Variants in CRKL observed in about 807,000 individuals in gnomAD.
CRKL encodes the protein crk-like protein.
Under a neutral mutation model 23.0 loss-of-function variants are expected in CRKL, and 3 were observed. The observed-to-expected ratio is 0.13, with a 90% confidence interval of 0.06 to 0.34. The LOEUF (loss-of-function observed/expected upper bound fraction) is 0.34. Ranked by LOEUF, CRKL falls within the 10% of genes least tolerant of loss-of-function variation. The pLI is 1.00. For missense variants in CRKL, 256 were observed against 394.5 expected, an observed-to-expected ratio of 0.65 and a Z score of 2.97; for synonymous variants, 188 against 160.7, an observed-to-expected ratio of 1.17 and a Z score of -1.28.
In CRKL at chr22:20,951,105, G is replaced by C. The variant is rs138343678; in HGVS notation, c.*1260G>C. ...AGTGAATGTACCCCTTTAAGGTTCA[G>C]ACTTAAACTTCCTTAAAAAGTGGCG... is the stretch of plus-strand genomic sequence containing the variant. On this transcript the variant is annotated 3_prime_UTR_variant, in exon 3 of 3. Transcript: ENST00000354336. 8.7e-4 allele frequency: 203 copies of C among 232,472 alleles called. 1 individual carries two copies. Among genetic ancestry groups the C allele is most frequent in the African/African-American group, 3.7e-3 (167 of 45,420 alleles). 14.4% of individuals were successfully genotyped at this position (232,472 alleles called of 1,614,324 possible). A position where few individuals can be genotyped will look rare whatever the true frequency, so the allele number is the denominator to read the frequency against.
intron 1 of CRKL, among the ~76,000 whole-genome samples, chr22:20,931,625 C>T (rs1042912134): frequency 2.0e-5 from 3 of 152,058 alleles, no homozygotes; most frequent in African/African-American, 7.2e-5. Context: ...GAGTGCAAGT[C>T]TAACCTCTTC....
intron 1 of CRKL, among the ~76,000 whole-genome samples, chr22:20,925,476 C>G (rs745330605): frequency 5.9e-5 from 9 of 152,220 alleles, no homozygotes; most frequent in Non-Finnish European, 1.3e-4. Flanking sequence ...GCCAGCGCCA[C>G]TGCACTCCAG....
intron 1 of CRKL, among the ~76,000 whole-genome samples, chr22:20,926,100 G>A (rs539695698): frequency 6.2e-4 from 94 of 152,304 alleles, no homozygotes; most frequent in African/African-American, 2.2e-3. Flanking sequence ...AGTATACGAG[G>A]TAGAAGAGGT....
intron 1 of CRKL, among the ~76,000 whole-genome samples, chr22:20,928,421 C>T (rs533227251): frequency 1.3e-5 from 2 of 151,834 alleles, no homozygotes; most frequent in East Asian, 3.9e-4. Flanking sequence ...CGTACTGCTG[C>T]ACTCCAGCCT....
intron 1 of CRKL, among the ~76,000 whole-genome samples, chr22:20,931,783 TGCTA>T (rs963102678): frequency 1.3e-5 from 2 of 152,166 alleles, no homozygotes; most frequent in Non-Finnish European, 2.9e-5. Flanking sequence ...CTACTACTCT[TGCTA>T]GCTATTTATT....
At position 20,917,962 on chromosome 22, in the gene CRKL, G is replaced by C. The variant is rs2147891289; in HGVS notation, c.28G>C (p.Asp10His). The C allele has an allele frequency of 1.2e-6, 2 of 1,614,042 alleles. No homozygotes were observed. Among genetic ancestry groups the C allele is most frequent in the Non-Finnish European group, 1.7e-6 (2 of 1,180,018 alleles). Residue 10 changes from aspartate (D) to histidine (H), a missense_variant, in exon 1 of 3, where the codon GAC (aspartate) becomes CAC (histidine). By Grantham distance (81) the Asp-to-His change is moderately conservative. Transcript: ENST00000354336. The part of the protein sequence containing the change: MSSARFDSS[D>H]RSAWYMGPVS... Reference sequence around the variant, plus strand: ...GTCCTCCGCCAGGTTCGACTCCTCGGACCGCTCCGCCTGGTATATGGGGCC... The same window carrying C: ...GTCCTCCGCCAGGTTCGACTCCTCGCACCGCTCCGCCTGGTATATGGGGCC...
At chr22:20,926,563 G>A (rs1921210306) in intron 1 of CRKL, among the ~76,000 whole-genome samples, 1 of 152,130 alleles carries the variant, frequency 6.6e-6, no homozygotes, top group Admixed American at 6.6e-5. Context: ...CCTGCTGGAA[G>A]CCAGGTGGTA....
intron 1 of CRKL, among the ~76,000 whole-genome samples, chr22:20,923,575 C>CTACT (rs1303646911): frequency 9.1e-6 from 1 of 109,762 alleles, no homozygotes; most frequent in African/African-American, 3.7e-5. Context: ...CCGCGCCTGG[C>CTACT]ATTTTTTTTT....
At position 20,950,565 on chromosome 22, in the gene CRKL, A is replaced by G. The variant is rs1052789936; in HGVS notation, c.*720A>G. The G allele has an allele frequency of 4.5e-6, 1 of 221,894 alleles. No individual in the cohort carries two copies. Among genetic ancestry groups the G allele is most frequent in the Non-Finnish European group, 9.0e-6 (1 of 111,190 alleles). 13.7% of individuals were successfully genotyped at this position (221,894 alleles called of 1,614,324 possible). A position where few individuals can be genotyped will look rare whatever the true frequency, so the allele number is the denominator to read the frequency against. ...AGTAGCTGGGACTGCAGGCGCGCACACCACGCCCAGCTAATTTTTGTATTT... is the reference window on the plus strand; with the variant it reads ...AGTAGCTGGGACTGCAGGCGCGCACGCCACGCCCAGCTAATTTTTGTATTT... On this transcript the variant is annotated 3_prime_UTR_variant, in exon 3 of 3. Transcript: ENST00000354336.
chr22:20,941,538 ATGTGTGTGTGTGTGTGTGTGTGTG>A (rs1187984983), intron 2 of CRKL, among the ~76,000 whole-genome samples: 4 of 50,436 alleles, frequency 7.9e-5, no homozygotes, highest in African/African-American at 2.2e-4. Flanking sequence ...TATATATTTT[ATGTGTGTGTGTGTGTGTGTGTGTG>A]TGTGTGTGTG....
chr22:20,927,356 A>G (rs991989233), intron 1 of CRKL, among the ~76,000 whole-genome samples: 1 of 148,710 alleles, frequency 6.7e-6, no homozygotes, highest in Non-Finnish European at 1.5e-5. Context: ...ATGCCCGGCT[A>G]ATTTTTGTAT....
At chr22:20,945,361 T>C (rs948723640) in intron 2 of CRKL, among the ~76,000 whole-genome samples, 1 of 135,446 alleles carries the variant, frequency 7.4e-6, no homozygotes, top group Non-Finnish European at 1.7e-5. Context: ...GTTGATCTCG[T>C]ACCCTGCGAC....
intron 2 of CRKL, among the ~76,000 whole-genome samples, chr22:20,934,916 C>A (rs1921594397): frequency 2.0e-5 from 3 of 149,598 alleles, no homozygotes. Context: ...TGGGTTCACA[C>A]CATTCTCCTA....
At chr22:20,926,740 G>A (rs1921217723) in intron 1 of CRKL, among the ~76,000 whole-genome samples, 1 of 152,004 alleles carries the variant, frequency 6.6e-6, no homozygotes, top group Non-Finnish European at 1.5e-5. Flanking sequence ...ATAGGAGGAG[G>A]AGCCATTAGT....
chr22:20,940,137 C>T (rs971903565), intron 2 of CRKL, among the ~76,000 whole-genome samples: 3 of 152,110 alleles, frequency 2.0e-5, no homozygotes, highest in African/African-American at 7.2e-5. Context: ...TATTCATTAC[C>T]CTCCAGTTTC....
At chr22:20,919,204 T>TTA (rs1283523445) in intron 1 of CRKL, among the ~76,000 whole-genome samples, 1 of 152,138 alleles carries the variant, frequency 6.6e-6, no homozygotes, top group Non-Finnish European at 1.5e-5. Flanking sequence ...ACCACCACTT[T>TTA]TATAGTACGT....
chr22:20,917,945 C>T lies in CRKL; in HGVS notation c.11C>T (p.Ala4Val), dbSNP rs1394048815. The T allele has an allele frequency of 6.2e-7, 1 of 1,613,690 alleles. No individual in the cohort carries two copies. The highest frequency in any genetic ancestry group is 1.1e-5 in the South Asian group (1 of 91,048). Reference sequence around the variant, plus strand: ...CCCCGGTCCAACACCATGTCCTCCGCCAGGTTCGACTCCTCGGACCGCTCC... The same window carrying T: ...CCCCGGTCCAACACCATGTCCTCCGTCAGGTTCGACTCCTCGGACCGCTCC... The part of the protein sequence containing the change: MSS[A>V]RFDSSDRSAW... Residue 4 changes from alanine to valine, a missense_variant, in exon 1 of 3, where the codon GCC becomes GTC. Physicochemically the swap from Ala to Val is moderately conservative, Grantham distance 64. Around this residue, in one of 3 missense-constraint regions of CRKL, gnomAD observed 85 missense variants for 139.8 expected, o/e 0.61. Transcript: ENST00000354336.
chr22:20,947,380 C>T (rs1250691833), intron 2 of CRKL, among the ~76,000 whole-genome samples: 1 of 147,258 alleles, frequency 6.8e-6, no homozygotes, highest in East Asian at 2.0e-4. Flanking sequence ...CCCAGCTACA[C>T]CAAGTGCAGT....
chr22:20,950,002 C>T lies in CRKL; in HGVS notation c.*157C>T, dbSNP rs1922206479. ...GCACACACATTTGGAATGCACACAGCGGCTGCCTCCTGATGTTTGTATCAT... is the reference window on the plus strand; with the variant it reads ...GCACACACATTTGGAATGCACACAGTGGCTGCCTCCTGATGTTTGTATCAT... On this transcript the variant is annotated 3_prime_UTR_variant, in exon 3 of 3. Transcript: ENST00000354336. The T allele has an allele frequency of 7.7e-6, 7 of 910,354 alleles. No homozygotes were observed. The highest frequency in any genetic ancestry group is 3.8e-5 in the South Asian group (2 of 53,010). 56.4% of individuals were successfully genotyped at this position (910,354 alleles called of 1,614,324 possible). A position where few individuals can be genotyped will look rare whatever the true frequency, so the allele number is the denominator to read the frequency against.
Sources: gnomAD v4.1 joint callset for allele counts (sites outside exome capture counted in the v4.1 genomes callset) on GRCh38, gnomAD v4.1.1 for gene constraint, gnomAD v4.1.1 regional missense constraint, MANE v1.5 for transcripts, NCBI Gene and HGNC (gene_info 2026-07-23, HGNC 2026-07-21) for gene names.